Variants in SLC31A1 observed in about 807,000 individuals in gnomAD.
SLC31A1 encodes high affinity copper uptake protein 1.
A neutral mutation model predicts 17.2 loss-of-function variants in SLC31A1; 5 were observed. The ratio of observed to expected loss-of-function variants is 0.29; its 90% CI spans 0.15 to 0.61. The LOEUF is 0.61. SLC31A1 is among the 20% of genes least tolerant of loss of function. SLC31A1 has a pLI of 0.86. For synonymous variants in SLC31A1, 76 were observed against 78.8 expected, an observed-to-expected ratio of 0.96 and a Z score of 0.19; for missense variants, 161 against 241.4, an observed-to-expected ratio of 0.67 and a Z score of 2.21.
intron 1 of SLC31A1, 144 bp from the exon 2 acceptor site, chr9:113,255,970 A>C: frequency 7.3e-6 from 4 of 546,044 alleles, no homozygotes; most frequent in Non-Finnish European, 1.2e-5. Flanking sequence ...AAACTCCTGT[A>C]CTGATCAGTA....
chr9:113,254,219 G>T (rs943938843), intron 1 of SLC31A1, among the ~76,000 whole-genome samples: 1 of 152,078 alleles, frequency 6.6e-6, no homozygotes, highest in Non-Finnish European at 1.5e-5. Flanking sequence ...CTCCCAAAGT[G>T]CTGGGATAAC....
intron 1 of SLC31A1, among the ~76,000 whole-genome samples, chr9:113,226,985 A>C (rs1354344564): frequency 6.6e-6 from 1 of 152,132 alleles, no homozygotes; most frequent in Non-Finnish European, 1.5e-5. Flanking sequence ...ACCTTAGTAC[A>C]TTTTACATTA....
At chr9:113,229,042 C>G (rs1438527919) in intron 1 of SLC31A1, among the ~76,000 whole-genome samples, 1 of 152,168 alleles carries the variant, frequency 6.6e-6, no homozygotes, top group Non-Finnish European at 1.5e-5. Flanking sequence ...GATGGCGTTT[C>G]TCCATGTTGG....
chr9:113,244,754 C>T (rs532512832), intron 1 of SLC31A1, among the ~76,000 whole-genome samples: 3 of 152,168 alleles, frequency 2.0e-5, no homozygotes, highest in South Asian at 4.1e-4. Flanking sequence ...TGTATGTGGG[C>T]GTGTGAGGTA....
intron 1 of SLC31A1, among the ~76,000 whole-genome samples, chr9:113,229,125 C>T (rs1002703489): frequency 6.6e-6 from 1 of 152,174 alleles, no homozygotes; most frequent in African/African-American, 2.4e-5. Flanking sequence ...GGATTATAGG[C>T]GTGATCCACT....
intron 4 of SLC31A1, among the ~76,000 whole-genome samples, chr9:113,259,561 AT>A (rs995707719): frequency 9.7e-4 from 130 of 133,442 alleles, no homozygotes; most frequent in African/African-American, 3.3e-3. Flanking sequence ...CCTCAATTCT[AT>A]TTTTTTTTCT....
intron 1 of SLC31A1, among the ~76,000 whole-genome samples, chr9:113,240,369 G>T (rs1244218508): frequency 1.3e-5 from 2 of 152,140 alleles, no homozygotes; most frequent in African/African-American, 4.8e-5. Context: ...TGAATATTTG[G>T]TAAGTATTCT....
chr9:113,225,388 C>G (rs527432982), intron 1 of SLC31A1, among the ~76,000 whole-genome samples: 1 of 152,282 alleles, frequency 6.6e-6, no homozygotes, highest in South Asian at 2.1e-4. Context: ...ATTTTTTATT[C>G]TAAATGGCAT....
chr9:113,240,214 G>A (rs1337278810), intron 1 of SLC31A1, among the ~76,000 whole-genome samples: 2 of 152,004 alleles, frequency 1.3e-5, no homozygotes, highest in African/African-American at 4.8e-5. Flanking sequence ...ATATTTATTT[G>A]CTTACATTTT....
At chr9:113,235,807 G>A (rs1381528398) in intron 1 of SLC31A1, among the ~76,000 whole-genome samples, 1 of 152,182 alleles carries the variant, frequency 6.6e-6, no homozygotes, top group Non-Finnish European at 1.5e-5. Context: ...AGAACAGAGT[G>A]GGCTCTTGCC....
chr9:113,250,330 A>G (rs1322528532), intron 1 of SLC31A1, among the ~76,000 whole-genome samples: 3 of 141,532 alleles, frequency 2.1e-5, no homozygotes, highest in African/African-American at 5.3e-5. Context: ...CATATACACC[A>G]TGGAATACTA....
At chr9:113,246,154 G>A (rs932080363) in intron 1 of SLC31A1, among the ~76,000 whole-genome samples, 1 of 151,832 alleles carries the variant, frequency 6.6e-6, no homozygotes, top group Non-Finnish European at 1.5e-5. Flanking sequence ...AGGCACAAGC[G>A]ATCCTCCCAC....
intron 1 of SLC31A1, among the ~76,000 whole-genome samples, chr9:113,238,489 C>T (rs1317857262): frequency 2.0e-5 from 3 of 152,104 alleles, no homozygotes; most frequent in African/African-American, 4.8e-5. Context: ...AGGCTGGGTG[C>T]GGTGGTTCAC....
At chr9:113,238,428 T>C (rs1831486934) in intron 1 of SLC31A1, among the ~76,000 whole-genome samples, 1 of 152,198 alleles carries the variant, frequency 6.6e-6, no homozygotes, top group Non-Finnish European at 1.5e-5. Flanking sequence ...TTTGACTCAC[T>C]CTAGTGTGTT....
At chr9:113,252,998 AGCTGGAGTGCAGTGGCGCGGTCTC>A (rs1483675106) in intron 1 of SLC31A1, among the ~76,000 whole-genome samples, 1 of 140,958 alleles carries the variant, frequency 7.1e-6, no homozygotes, top group African/African-American at 2.7e-5. Context: ...CTGTAGCCCA[AGCTGGAGTGCAGTGGCGCGGTCTC>A]GCTTTACTGC....
At chr9:113,257,394 T>C (rs934154193) in intron 3 of SLC31A1, among the ~76,000 whole-genome samples, 3 of 152,116 alleles carry the variant, frequency 2.0e-5, no homozygotes, top group African/African-American at 7.2e-5. Context: ...CTAACATGTA[T>C]GTTTTGGAGC....
chr9:113,232,934 C>T (rs1048922569), intron 1 of SLC31A1, among the ~76,000 whole-genome samples: 1 of 151,974 alleles, frequency 6.6e-6, no homozygotes, highest in Non-Finnish European at 1.5e-5. Flanking sequence ...TGCACTTATA[C>T]CATATATAGA....
chr9:113,242,653 C>T (rs1564210864), intron 1 of SLC31A1, among the ~76,000 whole-genome samples: 2 of 152,172 alleles, frequency 1.3e-5, no homozygotes, highest in Non-Finnish European at 2.9e-5. Context: ...AATCCTCCCA[C>T]CTCAGCCTCC....
intron 1 of SLC31A1, among the ~76,000 whole-genome samples, chr9:113,226,150 A>G (rs936258741): frequency 6.7e-6 from 1 of 149,698 alleles, no homozygotes; most frequent in African/African-American, 2.5e-5. Context: ...AAAAAAAAAA[A>G]GAAATAAAGA....
Sources: gnomAD v4.1 joint callset for allele counts (sites outside exome capture counted in the v4.1 genomes callset) on GRCh38, gnomAD v4.1.1 for gene constraint, MANE v1.5 for transcripts, NCBI Gene and HGNC (gene_info 2026-07-23, HGNC 2026-07-21) for gene names.